Variants in MRPS28 observed in about 807,000 individuals in gnomAD.
MRPS28 encodes small ribosomal subunit protein bS1m.
A neutral mutation model predicts 10.8 loss-of-function variants in MRPS28; 7 were observed. The observed-to-expected ratio is 0.65, with a 90% CI of 0.37 to 1.22. MRPS28 has a LOEUF of 1.22. Ranked by LOEUF, MRPS28 falls within the 50% of genes most tolerant of loss-of-function variation. MRPS28 has a pLI of 0.02. For synonymous variants in MRPS28, 121 were observed against 93.3 expected, an observed-to-expected ratio of 1.30 and a Z score of -1.71; for missense variants, 265 against 232.9, an observed-to-expected ratio of 1.14 and a Z score of -0.90.
At chr8:79,969,143 T>A (rs566766798) in intron 2 of MRPS28, among the ~76,000 whole-genome samples, 2 of 152,356 alleles carry the variant, frequency 1.3e-5, no homozygotes, top group East Asian at 3.9e-4. Flanking sequence ...CCAGTCAATT[T>A]AAGAGTTCCC....
intron 2 of MRPS28, among the ~76,000 whole-genome samples, chr8:79,940,420 G>T (rs570711387): frequency 6.6e-6 from 1 of 152,344 alleles, no homozygotes; most frequent in Admixed American, 6.5e-5. Flanking sequence ...TATGGTGAGG[G>T]CTGGTAGGAA....
At chr8:79,974,142 A>T (rs1325726407) in intron 2 of MRPS28, among the ~76,000 whole-genome samples, 1 of 152,210 alleles carries the variant, frequency 6.6e-6, no homozygotes, top group African/African-American at 2.4e-5. Flanking sequence ...TAGCTTTACT[A>T]ATCTCCAGAC....
At chr8:79,961,081 T>C (rs370457750) in intron 2 of MRPS28, among the ~76,000 whole-genome samples, 1 of 152,182 alleles carries the variant, frequency 6.6e-6, no homozygotes, top group East Asian at 1.9e-4. Context: ...TCTGTTTAAC[T>C]ACTATATCCT....
chr8:79,946,736 G>GA (rs1345342387), intron 2 of MRPS28, among the ~76,000 whole-genome samples: 1 of 151,848 alleles, frequency 6.6e-6, no homozygotes, highest in East Asian at 1.9e-4. Flanking sequence ...TTTCAGTATG[G>GA]AAAAAAACGC....
intron 1 of MRPS28, among the ~76,000 whole-genome samples, chr8:80,026,724 G>A (rs895471318): frequency 2.0e-5 from 3 of 152,090 alleles, no homozygotes; most frequent in African/African-American, 7.2e-5. Flanking sequence ...TAGTGATGAC[G>A]AATGTCCTTA....
At chr8:79,935,716 C>A (rs1806590426) in intron 2 of MRPS28, among the ~76,000 whole-genome samples, 1 of 152,028 alleles carries the variant, frequency 6.6e-6, no homozygotes, top group South Asian at 2.1e-4. Flanking sequence ...TAATATAATT[C>A]TTGAGAGTAA....
rs1220195234 is a variant in MRPS28 at position 80,029,640 on chromosome 8, C to T, written c.213+396G>A. 3.3e-6 allele frequency: 3 copies of T among 906,720 alleles called. No homozygotes were observed. The South Asian group carries it at 4.4e-5, about 13-fold the overall frequency. The allele number at this position is 906,720 out of a possible 1,614,324, so 56.2% of individuals were successfully genotyped here. On this transcript the variant is annotated intron_variant, in intron 1 of 2. Coordinates refer to ENST00000276585, the MANE Select transcript of MRPS28 (RefSeq NM_014018.3). ...TCTACTCCAGACAGCAAGCTCCATG[C>T]TAGAGCTACTGTTCAGAACAAGACC...
intron 1 of MRPS28, among the ~76,000 whole-genome samples, chr8:80,014,537 G>A (rs1300718110): frequency 1.3e-5 from 2 of 152,196 alleles, no homozygotes; most frequent in Non-Finnish European, 2.9e-5. Context: ...TGGCTCTACC[G>A]CTTACCAGCT....
chr8:79,970,121 G>T (rs1206420892), intron 2 of MRPS28, among the ~76,000 whole-genome samples: 1 of 152,092 alleles, frequency 6.6e-6, no homozygotes, highest in Non-Finnish European at 1.5e-5. Flanking sequence ...CTGACATAAG[G>T]TGCATATGGC....
intron 2 of MRPS28, among the ~76,000 whole-genome samples, chr8:79,975,027 A>C (rs1012111835): frequency 8.5e-5 from 13 of 152,178 alleles, no homozygotes; most frequent in Non-Finnish European, 1.5e-5. Context: ...GCTCACACGT[A>C]TAATCCCAGC....
intron 2 of MRPS28, chr8:79,957,108 GT>G (rs1021602607): frequency 6.6e-6 from 1 of 152,038 alleles, no homozygotes; most frequent in Non-Finnish European, 1.5e-5. Context: ...CTGTGCCTTC[GT>G]ATAAGCTATT....
At chr8:80,024,345 G>A (rs1162334963) in intron 1 of MRPS28, among the ~76,000 whole-genome samples, 1 of 152,198 alleles carries the variant, frequency 6.6e-6, no homozygotes, top group East Asian at 1.9e-4. Flanking sequence ...GTAGGTAAGT[G>A]AGCATGGGAT....
intron 2 of MRPS28, among the ~76,000 whole-genome samples, chr8:79,973,051 T>C (rs576063592): frequency 1.3e-5 from 2 of 152,312 alleles, no homozygotes; most frequent in South Asian, 4.1e-4. Context: ...GCAAAGTAAA[T>C]GCAGTATACT....
intron 2 of MRPS28, among the ~76,000 whole-genome samples, chr8:79,929,395 G>A (rs1806398827): frequency 6.6e-6 from 1 of 151,948 alleles, no homozygotes; most frequent in Non-Finnish European, 1.5e-5. Context: ...GACCTGCTCC[G>A]TGCAACACAA....
intron 2 of MRPS28, among the ~76,000 whole-genome samples, chr8:79,984,935 T>A (rs1032401375): frequency 2.0e-5 from 3 of 152,138 alleles, no homozygotes; most frequent in Non-Finnish European, 4.4e-5. Flanking sequence ...CTAATACACA[T>A]CTACAGAATT....
At chr8:79,996,470 G>A (rs1808504329) in intron 2 of MRPS28, among the ~76,000 whole-genome samples, 1 of 152,194 alleles carries the variant, frequency 6.6e-6, no homozygotes, top group African/African-American at 2.4e-5. Flanking sequence ...GAGGCTGGAA[G>A]TCCAGGATCA....
At chr8:80,004,307 G>A (rs191075342) in intron 1 of MRPS28, among the ~76,000 whole-genome samples, 1 of 152,298 alleles carries the variant, frequency 6.6e-6, no homozygotes. Flanking sequence ...GAACAATCAG[G>A]CAGCAACATT....
At chr8:79,930,062 T>C (rs1402295276) in intron 2 of MRPS28, among the ~76,000 whole-genome samples, 2 of 152,200 alleles carry the variant, frequency 1.3e-5, no homozygotes, top group South Asian at 4.1e-4. Context: ...TCTCAGTGAC[T>C]TACCACATCC....
intron 2 of MRPS28, among the ~76,000 whole-genome samples, chr8:79,973,154 C>T (rs374226992): frequency 1.2e-4 from 18 of 152,262 alleles, no homozygotes; most frequent in African/African-American, 4.1e-4. Context: ...TGGGGAACAA[C>T]AACTTTATAC....
Sources: allele counts gnomAD v4.1 joint callset (sites outside exome capture counted in the v4.1 genomes callset), GRCh38; gene constraint gnomAD v4.1.1; transcripts MANE v1.5; gene names NCBI Gene and HGNC (gene_info 2026-07-23, HGNC 2026-07-21).